Variants in DNAH2 observed in about 807,000 individuals in gnomAD.
DNAH2 encodes axonemal beta dynein heavy chain 2.
A neutral mutation model predicts 523.5 loss-of-function variants in DNAH2; 323 were observed. The observed-to-expected ratio is 0.62, with a 90% CI of 0.56 to 0.68. The LOEUF (loss-of-function observed/expected upper bound fraction) is 0.68, where lower values mean the gene tolerates loss of function less well. DNAH2 is among the 30% of genes least tolerant of loss of function. The probability of loss-of-function intolerance (pLI) is 0.00; values close to 1 mark genes in which losing one functional copy is unlikely to be tolerated. For synonymous variants in DNAH2, 2,093 were observed against 2,177.4 expected (o/e 0.96, Z 1.08); for missense variants, 4,907 against 5,701.5 (o/e 0.86, Z 4.49).
At position 7,823,913 on chromosome 17, in the gene DNAH2, C is replaced by T. The variant is rs762202473; in HGVS notation, c.11409C>T (p.Cys3803=). The change falls in exon 75 of 86, where the codon TGC becomes TGT. Residue 3803 remains cysteine, a synonymous_variant. Coordinates refer to ENST00000572933, the MANE Select transcript of DNAH2 (RefSeq NM_020877.5). ...TGCGCCAGGACCGCGTGGCCTTCTG[C>T]GTGACCTCCTTCATCATCACCAACC... ...RSLRQDRVAF[C]VTSFIITNLG... 16 of 1,613,936 alleles carry T rather than the reference C, an allele frequency of 9.9e-6. No homozygotes were observed. The highest frequency in any genetic ancestry group is 2.7e-5 in the African/African-American group (2 of 74,932).
At chr17:7,809,763 A>C (rs1434719355) in intron 63 of DNAH2, among the ~76,000 whole-genome samples, 2 of 150,658 alleles carry the variant, frequency 1.3e-5, no homozygotes, top group Non-Finnish European at 2.9e-5. Flanking sequence ...CTAAGTGAAA[A>C]GAGAAAGCAG....
intron 12 of DNAH2, 128 bp from the exon 13 acceptor site, chr17:7,756,963 A>G: frequency 7.2e-7 from 1 of 1,391,962 alleles, no homozygotes; most frequent in Non-Finnish European, 9.9e-7. Flanking sequence ...GAGCCACCAT[A>G]CCAGGCCTCT....
Position 7,796,424 on chromosome 17 carries a change from G to A in DNAH2, c.7675-40G>A, listed in dbSNP as rs1345880187. ...TTATTGGCTTCCCCTCTGGCTAGAA[G>A]GCCAGCAGCCCTGGAGAGTGAGCCA... On this transcript the variant is annotated intron_variant, in intron 49 of 85. Transcript: ENST00000572933. The A allele has an allele frequency of 1.9e-6, 3 of 1,603,954 alleles. No individual in the cohort carries two copies. The East Asian group carries it at 6.7e-5, about 36-fold the overall frequency.
At chr17:7,810,065 T>G in intron 63 of DNAH2, among the ~76,000 whole-genome samples, 1 of 144,048 alleles carries the variant, frequency 6.9e-6, no homozygotes, top group East Asian at 1.9e-4. Context: ...TTTCTTTTTT[T>G]TCTTTTTTTT....
intron 77 of DNAH2, among the ~76,000 whole-genome samples, chr17:7,826,922 C>T (rs945325417): frequency 6.6e-6 from 1 of 152,048 alleles, no homozygotes; most frequent in African/African-American, 2.4e-5. Context: ...ACTTTCCCTC[C>T]CCACTCAGAG....
chr17:7,832,598 C>T lies in DNAH2; in HGVS notation c.12746C>T (p.Pro4249Leu), dbSNP rs1207955878. Reference protein sequence around the residue: ...LWGKAYPSQKPLAAWTRDLAM... With the variant: ...LWGKAYPSQKLLAAWTRDLAM... ...CCCCAGGCATACCCCTCACAAAAGC[C>T]ATTGGCTGCCTGGACCCGGGACTTG... Residue 4249 changes from proline (P) to leucine (L), a missense_variant, in exon 83 of 86, where the codon CCA (proline) becomes CTA (leucine). Coordinates refer to ENST00000572933, the MANE Select transcript of DNAH2 (RefSeq NM_020877.5). This position sits in a 1 kb window ranked among gnomAD's most constrained non-coding sequence, Gnocchi z 4.3. 6.2e-7 allele frequency: 1 copy of T among 1,614,128 alleles called. No individual in the cohort carries two copies. The highest frequency in any genetic ancestry group is 1.3e-5 in the African/African-American group (1 of 75,046).
At position 7,780,599 on chromosome 17, in the gene DNAH2, G is replaced by T; in HGVS notation, c.5851-31G>T. 1 of 1,611,212 alleles carries T rather than the reference G, an allele frequency of 6.2e-7. No individual in the cohort carries two copies. Among genetic ancestry groups the T allele is most frequent in the African/African-American group, 1.3e-5 (1 of 75,012 alleles). On this transcript the variant is annotated intron_variant, in intron 37 of 85. Transcript: ENST00000572933. The surrounding 1 kb of genome is among the most constrained non-coding windows in gnomAD (Gnocchi z 4.4). ...AAGCAGAGGGATTTGTGGGGAGATG[G>T]ACTGTTTCCTCCTCTGTTTTGGTTC...
rs144934136 is a variant in DNAH2, at chr17:7,734,620, A to G, written c.890A>G (p.Lys297Arg). ...DLSGISKQLV[K>R]KGVKHVESIL... ...TCTGGCATCAGTAAGCAGCTGGTGA[A>G]GAAGGGAGTGAAGCACGTTGAATCC... Residue 297 changes from lysine (K) to arginine (R), a missense_variant, in exon 7 of 86, where the codon AAG becomes AGG. By Grantham distance (26) the Lys-to-Arg change is conservative. Transcript: ENST00000572933. 11,443 of 1,613,504 alleles carry G rather than the reference A, an allele frequency of 7.1e-3. 50 individuals are homozygous for G. Among genetic ancestry groups the G allele is most frequent in the Middle Eastern group, 0.012 (74 of 6,062 alleles).
chr17:7,776,038 T>C lies in DNAH2; in HGVS notation c.4836T>C (p.Asp1612=). 1.9e-6 allele frequency: 3 copies of C among 1,613,972 alleles called. No individual in the cohort carries two copies. The highest frequency in any genetic ancestry group is 1.1e-5 in the South Asian group (1 of 91,082). The change falls in exon 31 of 86, where the codon GAT becomes GAC. Residue 1612 remains aspartate, a synonymous_variant. Coordinates refer to ENST00000572933, the MANE Select transcript of DNAH2 (RefSeq NM_020877.5). ...CCTCCCCCCAGTCCTGGCTTGGCGA[T>C]GTGGAACAGACCATGAGGGTGACCC... ...LEGPVESWLG[D]VEQTMRVTLR...
In DNAH2 at chr17:7,817,430, A is replaced by G. The variant is rs763556424; in HGVS notation, c.10020+15A>G. ...GGATCGGGAAGGTGAGATGGGACTC[A>G]GGCATGACAAGTAGGCTCCGAGACC... is the stretch of plus-strand genomic sequence containing the variant. On this transcript the variant is annotated intron_variant, in intron 65 of 85. Coordinates refer to ENST00000572933, the MANE Select transcript of DNAH2 (RefSeq NM_020877.5). 5 of 1,613,682 alleles carry G rather than the reference A, an allele frequency of 3.1e-6. No individual in the cohort carries two copies. Among genetic ancestry groups the G allele is most frequent in the African/African-American group, 1.3e-5 (1 of 74,880 alleles).
At position 7,792,867 on chromosome 17, in the gene DNAH2, A is replaced by T; in HGVS notation, c.7344+12A>T. 1 of 1,607,676 alleles carries T rather than the reference A, an allele frequency of 6.2e-7. No individual in the cohort carries two copies. The highest frequency in any genetic ancestry group is 8.5e-7 in the Non-Finnish European group (1 of 1,174,628). Reference sequence around the variant, plus strand: ...ACATGTCCGCACAGGTGTGTCGGGGATCCAGGGGCCAGGCTGCCGGCTCCC... The same window carrying T: ...ACATGTCCGCACAGGTGTGTCGGGGTTCCAGGGGCCAGGCTGCCGGCTCCC... On this transcript the variant is annotated intron_variant, in intron 47 of 85. Transcript: ENST00000572933.
intron 56 of DNAH2, among the ~76,000 whole-genome samples, chr17:7,801,132 C>CA (rs1462593488): frequency 1.3e-5 from 2 of 152,014 alleles, no homozygotes; most frequent in African/African-American, 4.8e-5. Flanking sequence ...CTTGGCCTCC[C>CA]AAAGTGCTGG....
Position 7,776,852 on chromosome 17 carries a change from C to A in DNAH2, c.5021C>A (p.Ala1674Glu). Residue 1674 changes from alanine to glutamate, a missense_variant, in exon 32 of 86, where the codon GCA (alanine) becomes GAA (glutamate). Transcript: ENST00000572933. ...TGCCTGCTGACAGCGAAGGAGCGGG[C>A]AGACAAGAAAATCCTCAAGGTCATG... ...TKCLLTAKER[A>E]DKKILKVMKK... The A allele has an allele frequency of 6.2e-7, 1 of 1,612,078 alleles. No individual in the cohort carries two copies. Among genetic ancestry groups the A allele is most frequent in the Non-Finnish European group, 8.5e-7 (1 of 1,178,734 alleles).
chr17:7,733,253 G>T lies in DNAH2; in HGVS notation c.566G>T (p.Trp189Leu), dbSNP rs757499711. The T allele has an allele frequency of 1.2e-6, 2 of 1,614,030 alleles. No homozygotes were observed. Among genetic ancestry groups the T allele is most frequent in the Non-Finnish European group, 1.7e-6 (2 of 1,180,038 alleles). ...CCTCAGATCTTTGCAAACACAGGCTGGCCTGAGAGCATTAGAAATCATTTT... is the reference window on the plus strand; with the variant it reads ...CCTCAGATCTTTGCAAACACAGGCTTGCCTGAGAGCATTAGAAATCATTTT... Reference protein sequence around the residue: ...FAPQIFANTGWPESIRNHFAS... With the variant: ...FAPQIFANTGLPESIRNHFAS... Residue 189 changes from tryptophan to leucine, a missense_variant, in exon 5 of 86, where the codon TGG becomes TTG. By Grantham distance (61) the Trp-to-Leu change is moderately conservative. Coordinates refer to ENST00000572933, the MANE Select transcript of DNAH2 (RefSeq NM_020877.5).
At chr17:7,745,441 A>G (rs1465241361) in intron 12 of DNAH2, among the ~76,000 whole-genome samples, 1 of 152,164 alleles carries the variant, frequency 6.6e-6, no homozygotes, top group Non-Finnish European at 1.5e-5. Context: ...TCATCTGTAC[A>G]ACACTCTCAT....
intron 33 of DNAH2, 72 bp from the exon 34 acceptor site, chr17:7,778,005 T>A: frequency 7.3e-7 from 1 of 1,378,622 alleles, no homozygotes; most frequent in Non-Finnish European, 1.0e-6. Context: ...TGAGCCCCAC[T>A]CTCAGTCATT....
chr17:7,796,942 A>G (rs535058952), intron 50 of DNAH2, among the ~76,000 whole-genome samples: 1 of 148,572 alleles, frequency 6.7e-6, no homozygotes, highest in East Asian at 2.0e-4. Flanking sequence ...ATACAAAAAA[A>G]AAAAAAAAAA....
At chr17:7,787,216 G>A in intron 42 of DNAH2, 183 bp downstream of exon 42, 2 of 775,424 alleles carry the variant, frequency 2.6e-6, no homozygotes, top group South Asian at 3.7e-5. Flanking sequence ...TGCCGCGGCT[G>A]TTGAGAACAA....
rs2077226978 is a variant in DNAH2, at chr17:7,801,705, G to A, written c.8827G>A (p.Glu2943Lys). The change falls in exon 57 of 86, where the codon GAG becomes AAG. Residue 2943 changes from glutamate (E) to lysine (K), a missense_variant. Glu to Lys is a moderately conservative substitution (Grantham distance 56, BLOSUM62 1). This residue lies in a region of DNAH2 where 1,851 missense variants were observed against 2,139.4 expected (regional missense o/e 0.87). Coordinates refer to ENST00000572933, the MANE Select transcript of DNAH2 (RefSeq NM_020877.5). Reference protein sequence around the residue: ...CLIGVDLGTQENIHRKVAQIF... With the variant: ...CLIGVDLGTQKNIHRKVAQIF... ...CATAGGAGTAGACCTGGGAACTCAG[G>A]AGAATGTGAGCCCCTCCTCCCCACC... 1 of 1,614,050 alleles carries A rather than the reference G, an allele frequency of 6.2e-7. No homozygotes were observed. The highest frequency in any genetic ancestry group is 8.5e-7 in the Non-Finnish European group (1 of 1,180,020).
Sources: allele counts gnomAD v4.1 joint callset (sites outside exome capture counted in the v4.1 genomes callset), GRCh38; gene constraint gnomAD v4.1.1; regional missense constraint gnomAD v4.1.1; non-coding constraint Gnocchi (gnomAD v3.1); transcripts MANE v1.5; gene names NCBI Gene and HGNC (gene_info 2026-07-23, HGNC 2026-07-21).